The following SCFD2 variants were observed in gnomAD, a reference collection of about 807,000 sequenced individuals.
The protein encoded by SCFD2 is sec1 family domain containing 2, also known as sec1 family domain-containing protein 2.
A neutral mutation model predicts 58.9 loss-of-function variants in SCFD2; 54 were observed. The ratio of observed to expected loss-of-function variants is 0.92; its 90% CI spans 0.74 to 1.15. SCFD2 has a LOEUF of 1.15. Among genes scored for constraint, SCFD2 ranks in the 50% most tolerant of loss-of-function variants. SCFD2 has a pLI of 0.00. For missense variants in SCFD2, 805 were observed against 836.6 expected, an observed-to-expected ratio of 0.96 and a Z score of 0.47; for synonymous variants, 321 against 335.9, an observed-to-expected ratio of 0.96 and a Z score of 0.49.
intron 5 of SCFD2, among the ~76,000 whole-genome samples, chr4:52,971,227 G>A (rs921418736): frequency 6.6e-6 from 1 of 152,144 alleles, no homozygotes; most frequent in Non-Finnish European, 1.5e-5. Flanking sequence ...CCGAGCAAAA[G>A]GAGGAAGTTT....
At chr4:53,003,663 G>A (rs1721912779) in intron 5 of SCFD2, among the ~76,000 whole-genome samples, 1 of 152,238 alleles carries the variant, frequency 6.6e-6, no homozygotes, top group Non-Finnish European at 1.5e-5. Flanking sequence ...CACAGAGGGA[G>A]AAGAACTTAA....
intron 7 of SCFD2, among the ~76,000 whole-genome samples, chr4:52,904,341 A>G (rs1719295432): frequency 6.6e-6 from 1 of 152,244 alleles, no homozygotes; most frequent in African/African-American, 2.4e-5. Context: ...TTTCTGGCTC[A>G]GCACTGGTGG....
At chr4:52,896,028 A>T (rs940842576) in intron 7 of SCFD2, among the ~76,000 whole-genome samples, 2 of 151,988 alleles carry the variant, frequency 1.3e-5, no homozygotes, top group African/African-American at 4.8e-5. Context: ...TTTCTTGTAA[A>T]TTTGTTGGAG....
rs80219351 is a variant in SCFD2 at position 53,313,629 on chromosome 4, G to A, written c.1135+7C>T. The A allele has an allele frequency of 0.037, 60,369 of 1,613,620 alleles. 1,323 individuals carry two copies. Among genetic ancestry groups the A allele is most frequent in the Non-Finnish European group, 0.043 (50,677 of 1,179,666 alleles). On this transcript the variant is annotated splice_region_variant and intron_variant, in intron 3 of 8. Coordinates refer to ENST00000401642, the MANE Select transcript of SCFD2 (RefSeq NM_152540.4). ...AGAGGCTGCCTGTGTCCTAGGTTTA[G>A]GCTTACCCATACTCATCTTGATTGG...
intron 5 of SCFD2, among the ~76,000 whole-genome samples, chr4:52,982,806 A>G (rs1383356271): frequency 6.6e-6 from 1 of 152,210 alleles, no homozygotes; most frequent in Non-Finnish European, 1.5e-5. Flanking sequence ...TTAAGTTTGC[A>G]CATGTAGCAA....
At chr4:53,250,081 G>A (rs992058087) in intron 4 of SCFD2, among the ~76,000 whole-genome samples, 1 of 152,010 alleles carries the variant, frequency 6.6e-6, no homozygotes, top group Non-Finnish European at 1.5e-5. Flanking sequence ...ACACACATAG[G>A]CTCAAAATAA....
At chr4:53,272,612 A>G (rs1731207306) in intron 4 of SCFD2, among the ~76,000 whole-genome samples, 1 of 151,986 alleles carries the variant, frequency 6.6e-6, no homozygotes, top group Non-Finnish European at 1.5e-5. Context: ...CAAAAAACCA[A>G]ACACCGCATG....
At position 53,217,622 on chromosome 4, in the gene SCFD2, G is replaced by A. The variant is rs141177020; in HGVS notation, c.1311+56204C>T. ...ATTTGCCAGTCTGTGTCTTTTAATCGGAGCATTTAGCCCATTTACATTTAA... is the reference window on the plus strand; with the variant it reads ...ATTTGCCAGTCTGTGTCTTTTAATCAGAGCATTTAGCCCATTTACATTTAA... On this transcript the variant is annotated intron_variant, in intron 4 of 8. Transcript: ENST00000401642. Among the ~76,000 whole-genome samples, 1,293 of 152,108 alleles carry A rather than the reference G, an allele frequency of 8.5e-3. 11 individuals carry two copies. The highest frequency in any genetic ancestry group is 0.03 in the African/African-American group (1,228 of 41,468).
chr4:53,339,725 G>A (rs1560455728), intron 2 of SCFD2, among the ~76,000 whole-genome samples: 1 of 151,702 alleles, frequency 6.6e-6, no homozygotes, highest in Non-Finnish European at 1.5e-5. Flanking sequence ...GGCCAAGATT[G>A]CACCACTGCA....
chr4:53,286,036 C>T (rs1731655999), intron 3 of SCFD2, among the ~76,000 whole-genome samples: 2 of 152,056 alleles, frequency 1.3e-5, no homozygotes, highest in African/African-American at 2.4e-5. Flanking sequence ...GAAGAGTAGC[C>T]ACTGCATCCC....
At chr4:53,120,365 G>T (rs1285259913) in intron 5 of SCFD2, among the ~76,000 whole-genome samples, 1 of 152,116 alleles carries the variant, frequency 6.6e-6, no homozygotes, top group Non-Finnish European at 1.5e-5. Context: ...TTACTACTGG[G>T]ATACTCATTT....
At chr4:53,261,335 C>T (rs1445829576) in intron 4 of SCFD2, among the ~76,000 whole-genome samples, 5 of 151,952 alleles carry the variant, frequency 3.3e-5, no homozygotes, top group South Asian at 4.1e-4. Context: ...TTTATCTATT[C>T]GTGCTCTTTC....
At chr4:52,978,047 T>C (rs1016521958) in intron 5 of SCFD2, among the ~76,000 whole-genome samples, 2 of 152,216 alleles carry the variant, frequency 1.3e-5, no homozygotes, top group African/African-American at 4.8e-5. Context: ...GACTGTTTTG[T>C]TCACTGCTGT....
At chr4:53,254,835 A>G (rs1303169898) in intron 4 of SCFD2, among the ~76,000 whole-genome samples, 1 of 136,658 alleles carries the variant, frequency 7.3e-6, no homozygotes, top group Non-Finnish European at 1.5e-5. Flanking sequence ...ATTTTATTTT[A>G]TTTTATTTTA....
intron 4 of SCFD2, among the ~76,000 whole-genome samples, chr4:53,222,166 T>G (rs544651760): frequency 1.3e-5 from 2 of 152,308 alleles, no homozygotes; most frequent in Admixed American, 1.3e-4. Flanking sequence ...TCACCTTTGT[T>G]TTTCTAACAC....
At chr4:53,000,685 G>T (rs184346034) in intron 5 of SCFD2, among the ~76,000 whole-genome samples, 1 of 152,354 alleles carries the variant, frequency 6.6e-6, no homozygotes, top group Admixed American at 6.5e-5. Flanking sequence ...CTCGCTGTGG[G>T]TATCCTTTGA....
At chr4:53,188,390 G>C (rs1285707960) in intron 4 of SCFD2, among the ~76,000 whole-genome samples, 1 of 151,348 alleles carries the variant, frequency 6.6e-6, no homozygotes, top group Non-Finnish European at 1.5e-5. Flanking sequence ...AAATAGGCTA[G>C]AGGACAAAGT....
chr4:53,301,724 C>G (rs1338170458), intron 3 of SCFD2, among the ~76,000 whole-genome samples: 2 of 152,146 alleles, frequency 1.3e-5, no homozygotes. Flanking sequence ...TAAACTGAAT[C>G]CAGCAACACA....
intron 4 of SCFD2, among the ~76,000 whole-genome samples, chr4:53,253,694 A>T (rs1730486389): frequency 7.1e-6 from 1 of 140,712 alleles, no homozygotes; most frequent in African/African-American, 2.7e-5. Context: ...AACAATGAGA[A>T]CACATGGACA....
Sources: allele counts gnomAD v4.1 joint callset (sites outside exome capture counted in the v4.1 genomes callset), GRCh38; gene constraint gnomAD v4.1.1; transcripts MANE v1.5; gene names NCBI Gene and HGNC (gene_info 2026-07-23, HGNC 2026-07-21).